The following DPP10 variants were observed in gnomAD, a reference collection of about 807,000 sequenced individuals.
DPP10 encodes the protein dipeptidyl peptidase like 10, also known as inactive dipeptidyl peptidase 10.
Under a neutral mutation model 120.9 loss-of-function variants are expected in DPP10, and 33 were observed. The observed-to-expected ratio is 0.27, with a 90% CI of 0.21 to 0.37. DPP10 has a LOEUF of 0.37. Ranked by LOEUF, DPP10 falls within the 10% of genes least tolerant of loss-of-function variation. The pLI is 1.00. For missense variants in DPP10, 816 were observed against 942.8 expected (o/e 0.87, Z 1.76); for synonymous variants, 337 against 326.1 (o/e 1.03, Z -0.36).
chr2:115,100,300 T>C (rs897412310), intron 1 of DPP10, among the ~76,000 whole-genome samples: 5 of 152,146 alleles, frequency 3.3e-5, no homozygotes, highest in East Asian at 3.9e-4. Flanking sequence ...CTTAAAGAAA[T>C]TGGCCATGCA....
intron 1 of DPP10, among the ~76,000 whole-genome samples, chr2:114,894,405 C>T (rs893760964): frequency 3.3e-5 from 5 of 152,016 alleles, no homozygotes; most frequent in African/African-American, 1.2e-4. Context: ...GAAAATTTGG[C>T]CTTAGAAAAA....
chr2:115,583,504 C>T (rs2082116597), intron 5 of DPP10, among the ~76,000 whole-genome samples: 1 of 152,086 alleles, frequency 6.6e-6, no homozygotes, highest in South Asian at 2.1e-4. Context: ...TGGCTGGGAG[C>T]CTGGGTTCAC....
In DPP10 at chr2:114,477,283, T is replaced by A. The variant is rs563633668; in HGVS notation, c.60+34445T>A. On this transcript the variant is annotated intron_variant, in intron 1 of 25. Coordinates refer to ENST00000410059, the MANE Select transcript of DPP10 (RefSeq NM_020868.6). ...AAAAATGGATTCTTATATGCACTCT[T>A]TTGTGACTGGCTTCTTTGCAACATG... Among the ~76,000 whole-genome samples, 5 of 152,154 alleles carry A rather than the reference T, an allele frequency of 3.3e-5. No homozygotes were observed. The South Asian group carries it at 1.0e-3, about 32-fold the overall frequency.
intron 1 of DPP10, among the ~76,000 whole-genome samples, chr2:114,730,907 T>C (rs1363354913): frequency 6.6e-6 from 1 of 151,098 alleles, no homozygotes; most frequent in Non-Finnish European, 1.5e-5. Flanking sequence ...TTTTTTTCTT[T>C]TTTTTTTTTT....
At chr2:115,507,876 G>A (rs2077029218) in intron 4 of DPP10, among the ~76,000 whole-genome samples, 1 of 152,126 alleles carries the variant, frequency 6.6e-6, no homozygotes, top group African/African-American at 2.4e-5. Flanking sequence ...TGTGAACTAT[G>A]TACAGGGATG....
At chr2:115,730,125 T>A (rs1462066887) in intron 8 of DPP10, among the ~76,000 whole-genome samples, 2 of 152,166 alleles carry the variant, frequency 1.3e-5, no homozygotes, top group African/African-American at 4.8e-5. Context: ...ATGAACAGAT[T>A]GTTTTTGTGA....
chr2:114,765,200 G>A (rs369222785), intron 1 of DPP10, among the ~76,000 whole-genome samples: 15 of 152,124 alleles, frequency 9.9e-5, no homozygotes, highest in East Asian at 7.7e-4. Flanking sequence ...TACTTTGCAC[G>A]TTTAATCCAT....
intron 1 of DPP10, among the ~76,000 whole-genome samples, chr2:114,809,367 G>A (rs1382851500): frequency 1.3e-5 from 2 of 151,978 alleles, no homozygotes; most frequent in Non-Finnish European, 2.9e-5. Flanking sequence ...TCTTTCTATT[G>A]TCTGTTCACT....
At chr2:115,120,702 CA>C (rs2049777168) in intron 1 of DPP10, among the ~76,000 whole-genome samples, 1 of 152,132 alleles carries the variant, frequency 6.6e-6, no homozygotes, top group Non-Finnish European at 1.5e-5. Context: ...AATTCCCTTT[CA>C]CAATTTGTTT....
intron 1 of DPP10, among the ~76,000 whole-genome samples, chr2:115,159,309 T>A (rs968116107): frequency 5.3e-5 from 8 of 151,912 alleles, no homozygotes; most frequent in African/African-American, 1.9e-4. Context: ...ATGCAAAAAA[T>A]TAGCTTGGTG....
chr2:115,456,198 CAT>C (rs2073525416), intron 3 of DPP10, among the ~76,000 whole-genome samples: 2 of 152,042 alleles, frequency 1.3e-5, no homozygotes, highest in Non-Finnish European at 2.9e-5. Context: ...ACCCATCAAA[CAT>C]ATGAAAAAAA....
chr2:114,511,853 T>C (rs1684173249), intron 1 of DPP10, among the ~76,000 whole-genome samples: 1 of 152,150 alleles, frequency 6.6e-6, no homozygotes. Context: ...ACAGAACACT[T>C]CCTCCAGGCA....
intron 1 of DPP10, among the ~76,000 whole-genome samples, chr2:115,275,407 G>A (rs2059871244): frequency 6.6e-6 from 1 of 152,094 alleles, no homozygotes; most frequent in Non-Finnish European, 1.5e-5. Context: ...TATGCATTCA[G>A]CACATGATTA....
chr2:115,304,366 C>G (rs1278607435), intron 1 of DPP10, among the ~76,000 whole-genome samples: 1 of 151,932 alleles, frequency 6.6e-6, no homozygotes, highest in African/African-American at 2.4e-5. Context: ...ACGCTAAGAA[C>G]GAACGTAAAC....
At chr2:114,710,996 T>C (rs1027807351) in intron 1 of DPP10, among the ~76,000 whole-genome samples, 1 of 152,126 alleles carries the variant, frequency 6.6e-6, no homozygotes, top group Non-Finnish European at 1.5e-5. Context: ...CCTGTGTGTA[T>C]GGAGAAAACA....
At chr2:115,634,748 G>C (rs2086178997) in intron 5 of DPP10, among the ~76,000 whole-genome samples, 1 of 152,202 alleles carries the variant, frequency 6.6e-6, no homozygotes, top group South Asian at 2.1e-4. Flanking sequence ...TGGTGGAGGA[G>C]GTGCACTGTG....
intron 5 of DPP10, among the ~76,000 whole-genome samples, chr2:115,672,590 C>T (rs2089955004): frequency 6.6e-6 from 1 of 152,054 alleles, no homozygotes; most frequent in African/African-American, 2.4e-5. Flanking sequence ...GCTTTCGTTT[C>T]CTTCCTTGAT....
At chr2:115,728,794 C>T (rs2092829267) in intron 8 of DPP10, among the ~76,000 whole-genome samples, 1 of 152,034 alleles carries the variant, frequency 6.6e-6, no homozygotes, top group Non-Finnish European at 1.5e-5. Context: ...CAAATGATAT[C>T]ATTGAAGGCC....
At chr2:114,824,536 G>C (rs1421235442) in intron 1 of DPP10, among the ~76,000 whole-genome samples, 2 of 151,944 alleles carry the variant, frequency 1.3e-5, no homozygotes, top group African/African-American at 4.8e-5. Context: ...GCCATTGTCG[G>C]ATAGCTTTCA....
Sources: allele counts gnomAD v4.1 joint callset (sites outside exome capture counted in the v4.1 genomes callset), GRCh38; gene constraint gnomAD v4.1.1; transcripts MANE v1.5; gene names NCBI Gene and HGNC (gene_info 2026-07-23, HGNC 2026-07-21).